TRDN: variants seen among roughly 807,000 people sequenced by gnomAD.
TRDN encodes the protein triadin in skeletal muscle.
TRDN carries 161 observed loss-of-function variants against 149.7 expected under a neutral mutation model. The ratio of observed to expected loss-of-function variants is 1.08; its 90% CI spans 0.95 to 1.23. The LOEUF is 1.23. Among genes scored for constraint, TRDN ranks in the 50% most tolerant of loss-of-function variants. TRDN has a pLI of 0.00. For missense variants in TRDN, 896 were observed against 823.5 expected (o/e 1.09, Z -1.08); for synonymous variants, 294 against 250.5 (o/e 1.17, Z -1.64).
chr6:123,300,182 A>T (rs1163090549), intron 24 of TRDN, among the ~76,000 whole-genome samples: 1 of 151,930 alleles, frequency 6.6e-6, no homozygotes, highest in African/African-American at 2.4e-5. Context: ...GTTAAAGTTT[A>T]GTTTGGGTTG....
chr6:123,476,797 C>G (rs1456916286), intron 9 of TRDN, among the ~76,000 whole-genome samples: 2 of 151,106 alleles, frequency 1.3e-5, no homozygotes, highest in Non-Finnish European at 3.0e-5. Flanking sequence ...CTGAGAAAAA[C>G]AAGCAATGGG....
chr6:123,343,513 C>G (rs1582895975), intron 21 of TRDN, among the ~76,000 whole-genome samples: 1 of 151,646 alleles, frequency 6.6e-6, no homozygotes, highest in East Asian at 1.9e-4. Context: ...AAAATGTTAA[C>G]TGAATAATTA....
chr6:123,636,771 G>C lies in TRDN; in HGVS notation c.5C>G (p.Thr2Ser), dbSNP rs1484432039. The C allele has an allele frequency of 1.2e-6, 2 of 1,611,662 alleles. No individual in the cohort carries two copies. The highest frequency in any genetic ancestry group is 2.2e-5 in the South Asian group (2 of 91,018). ...AGCAATACCTTCAGCAGTGATCTCA[G>C]TCATGGTGGTCGTCAAAAGTAAAAG... The part of the protein sequence containing the change: M[T>S]EITAEGNAST... Residue 2 changes from threonine (T) to serine (S), a missense_variant, in exon 1 of 41, where the codon ACT (threonine) becomes AGT (serine). Transcript: ENST00000334268.
At chr6:123,241,959 T>A (rs1269094226) in intron 38 of TRDN, among the ~76,000 whole-genome samples, 1 of 152,148 alleles carries the variant, frequency 6.6e-6, no homozygotes, top group Non-Finnish European at 1.5e-5. Context: ...TTTGAAATAC[T>A]CATTTTGAGG....
chr6:123,524,394 G>C (rs1779836660), intron 5 of TRDN, among the ~76,000 whole-genome samples: 1 of 151,996 alleles, frequency 6.6e-6, no homozygotes, highest in African/African-American at 2.4e-5. Context: ...AACCACTTGG[G>C]CTCCTAAATT....
intron 38 of TRDN, among the ~76,000 whole-genome samples, chr6:123,233,565 G>A (rs1164861084): frequency 6.6e-6 from 1 of 152,002 alleles, no homozygotes; most frequent in Non-Finnish European, 1.5e-5. Context: ...CCACAGTGCT[G>A]GGACCCAAAG....
chr6:123,544,246 TACACACACACACACACAC>T lies in TRDN; in HGVS notation c.424+3076_424+3093del, dbSNP rs71021453. Among the ~76,000 whole-genome samples the T allele has an allele frequency of 6.0e-3, 862 of 144,316 alleles. 10 individuals are homozygous for T. Among genetic ancestry groups the T allele is most frequent in the Middle Eastern group, 6.9e-3 (2 of 288 alleles). 94.7% of individuals were successfully genotyped at this position (144,316 alleles called of 152,430 possible). A position where few individuals can be genotyped will look rare whatever the true frequency, so the allele number is the denominator to read the frequency against. ...GAGAAGCCTTATGCACATCTGTACATACACACACACACACACACACACACACACACACACACACACACA... is the reference window on the plus strand; with the variant it reads ...GAGAAGCCTTATGCACATCTGTACATACACACACACACACACACACACACA... On this transcript the variant is annotated intron_variant, in intron 4 of 40. Transcript: ENST00000334268.
At position 123,614,305 on chromosome 6, in the gene TRDN, A is replaced by AC. The variant is rs1469440268; in HGVS notation, c.22+22448_22+22449insG. On this transcript the variant is annotated intron_variant, in intron 1 of 40. Transcript: ENST00000334268. ...TGCTTCATTAAAAAAAAAAACAAAA[A>AC]AAAAAAAAACAAAAAAAACCCTCAA... Among the ~76,000 whole-genome samples, 119 of 146,926 alleles carry AC rather than the reference A, an allele frequency of 8.1e-4. 2 individuals are homozygous for AC. In the Middle Eastern group the frequency reaches 0.011, roughly 13 times the overall value.
chr6:123,518,810 G>A (rs1338933040), intron 5 of TRDN, among the ~76,000 whole-genome samples: 1 of 152,104 alleles, frequency 6.6e-6, no homozygotes, highest in East Asian at 1.9e-4. Context: ...TTGGGCCCTA[G>A]GGAGCTGTTC....
chr6:123,463,348 A>T (rs1409215642), intron 10 of TRDN, among the ~76,000 whole-genome samples: 35 of 143,784 alleles, frequency 2.4e-4, no homozygotes, highest in Middle Eastern at 3.5e-3. Context: ...AAGAAAAAAA[A>T]AAAATAAATA....
intron 1 of TRDN, among the ~76,000 whole-genome samples, chr6:123,597,619 C>T (rs1333894028): frequency 6.6e-6 from 1 of 152,002 alleles, no homozygotes; most frequent in Non-Finnish European, 1.5e-5. Flanking sequence ...TAAGAAATTG[C>T]CACAGCCACC....
chr6:123,309,084 G>A (rs1027573662), intron 24 of TRDN, among the ~76,000 whole-genome samples: 1 of 151,580 alleles, frequency 6.6e-6, no homozygotes, highest in African/African-American at 2.4e-5. Context: ...AAAGATTTTG[G>A]TTCAAACTCC....
intron 24 of TRDN, among the ~76,000 whole-genome samples, chr6:123,304,029 A>G (rs906314742): frequency 2.6e-5 from 4 of 152,132 alleles, no homozygotes; most frequent in African/African-American, 9.7e-5. Flanking sequence ...GAAGAGTTGT[A>G]AATGACTCAG....
Position 123,467,386 on chromosome 6 carries a change from C to T in TRDN, c.854-2403G>A, listed in dbSNP as rs147435212. Reference sequence around the variant, plus strand: ...TAGAACACACAAACTGGTGCTTCTGCGGCATAAAGTGCAATATGCAGTTGA... The same window carrying T: ...TAGAACACACAAACTGGTGCTTCTGTGGCATAAAGTGCAATATGCAGTTGA... On this transcript the variant is annotated intron_variant, in intron 9 of 40. Transcript: ENST00000334268. 5.3e-5 allele frequency among the ~76,000 whole-genome samples: 8 copies of T among 151,580 alleles called. No individual in the cohort carries two copies. The East Asian group carries it at 5.8e-4, about 11-fold the overall frequency.
At chr6:123,514,318 G>T (rs112997068) in intron 6 of TRDN, among the ~76,000 whole-genome samples, 3 of 152,064 alleles carry the variant, frequency 2.0e-5, no homozygotes, top group Non-Finnish European at 4.4e-5. Context: ...TTGCACCACT[G>T]CACTTCAGTC....
rs147715308 is a variant in TRDN, at chr6:123,539,332, T to A, written c.424+8008A>T. On this transcript the variant is annotated intron_variant, in intron 4 of 40. Transcript: ENST00000334268. ...GCATTTCTAAATAGGTCCCATATGA[T>A]GCTAACATTGCTGGTCCATGGGCCA... is the stretch of plus-strand genomic sequence containing the variant. 1.7e-3 allele frequency among the ~76,000 whole-genome samples: 253 copies of A among 152,296 alleles called. 5 individuals are homozygous for A. The East Asian group carries it at 0.042, about 25-fold the overall frequency.
At chr6:123,423,460 C>T (rs1458507559) in intron 12 of TRDN, among the ~76,000 whole-genome samples, 1 of 152,090 alleles carries the variant, frequency 6.6e-6, no homozygotes, top group Non-Finnish European at 1.5e-5. Flanking sequence ...AGAAGTCGTG[C>T]AGCAAGGTGA....
chr6:123,341,721 G>A (rs1780070774), intron 21 of TRDN, among the ~76,000 whole-genome samples: 1 of 151,892 alleles, frequency 6.6e-6, no homozygotes, highest in Admixed American at 6.6e-5. Context: ...TTAGGGGATG[G>A]AGAATAAGTG....
intron 1 of TRDN, among the ~76,000 whole-genome samples, chr6:123,606,192 T>C (rs1401047152): frequency 6.6e-6 from 1 of 152,168 alleles, no homozygotes; most frequent in African/African-American, 2.4e-5. Context: ...TTTCAGTAGT[T>C]TAAGTATCAA....
Sources: gnomAD v4.1 joint callset for allele counts (sites outside exome capture counted in the v4.1 genomes callset) on GRCh38, gnomAD v4.1.1 for gene constraint, MANE v1.5 for transcripts, NCBI Gene and HGNC (gene_info 2026-07-23, HGNC 2026-07-21) for gene names.